DNAH11: variants seen among roughly 807,000 people sequenced by gnomAD.
DNAH11 encodes the protein axonemal beta dynein heavy chain 11.
DNAH11 carries 442 observed loss-of-function variants against 526.0 expected under a neutral mutation model. The ratio of observed to expected loss-of-function variants is 0.84; its 90% CI spans 0.78 to 0.91. The LOEUF (loss-of-function observed/expected upper bound fraction) is 0.91. DNAH11 is among the 40% of genes least tolerant of loss of function. The probability of loss-of-function intolerance (pLI) is 0.00; values close to 1 mark genes in which losing one functional copy is unlikely to be tolerated. For missense variants in DNAH11, 6,989 were observed against 5,448.7 expected, an observed-to-expected ratio of 1.28 and a Z score of -8.90; for synonymous variants, 2,461 against 1,935.9, an observed-to-expected ratio of 1.27 and a Z score of -7.12.
At chr7:21,897,071 T>C (rs1034985488) in intron 79 of DNAH11, among the ~76,000 whole-genome samples, 1 of 152,186 alleles carries the variant, frequency 6.6e-6, no homozygotes, top group Non-Finnish European at 1.5e-5. Flanking sequence ...CAAGACCCTG[T>C]CTCAAAAAAT....
chr7:21,566,339 A>G (rs1783665465), intron 6 of DNAH11, among the ~76,000 whole-genome samples: 1 of 152,114 alleles, frequency 6.6e-6, no homozygotes, highest in South Asian at 2.1e-4. Context: ...CTTTGATTCT[A>G]TGAACGGCAG....
intron 54 of DNAH11, among the ~76,000 whole-genome samples, chr7:21,762,791 T>C (rs2128497139): frequency 6.6e-6 from 1 of 152,282 alleles, no homozygotes; most frequent in South Asian, 2.1e-4. Context: ...AGGGGAAATC[T>C]TCAGAAGATT....
At position 21,619,227 on chromosome 7, in the gene DNAH11, T is replaced by A; in HGVS notation, c.4377+5T>A. Reference sequence around the variant, plus strand: ...AAAGAGCTGGGGACTGAGAAGGTAGTGTCCTCGGGACTGGGTCATTTCTAC... The same window carrying A: ...AAAGAGCTGGGGACTGAGAAGGTAGAGTCCTCGGGACTGGGTCATTTCTAC... On this transcript the variant is annotated splice_donor_5th_base_variant and intron_variant, in intron 24 of 81. Coordinates refer to ENST00000409508, the MANE Select transcript of DNAH11 (RefSeq NM_001277115.2). 1 of 1,612,192 alleles carries A rather than the reference T, an allele frequency of 6.2e-7. No individual in the cohort carries two copies. The highest frequency in any genetic ancestry group is 8.5e-7 in the Non-Finnish European group (1 of 1,179,004).
chr7:21,743,969 G>A (rs1373464420), intron 49 of DNAH11, among the ~76,000 whole-genome samples: 1 of 152,170 alleles, frequency 6.6e-6, no homozygotes, highest in Admixed American at 6.6e-5. Flanking sequence ...GAGTCACAAT[G>A]TGTTGGTGCT....
At chr7:21,727,392 G>T (rs1785172254) in intron 45 of DNAH11, among the ~76,000 whole-genome samples, 4 of 152,126 alleles carry the variant, frequency 2.6e-5, no homozygotes. Context: ...AAACTTCTTA[G>T]TTAGTACTTT....
intron 65 of DNAH11, among the ~76,000 whole-genome samples, chr7:21,826,323 C>T (rs1790297662): frequency 6.6e-6 from 1 of 152,110 alleles, no homozygotes; most frequent in Non-Finnish European, 1.5e-5. Flanking sequence ...AGTATTCATA[C>T]ATATGCAAAG....
intron 25 of DNAH11, among the ~76,000 whole-genome samples, chr7:21,628,287 T>C (rs926296384): frequency 1.3e-5 from 2 of 152,158 alleles, no homozygotes; most frequent in African/African-American, 2.4e-5. Context: ...TTTATTTCTT[T>C]CTCTTGCCTA....
chr7:21,689,442 C>A (rs975017674), intron 34 of DNAH11, among the ~76,000 whole-genome samples: 1 of 152,164 alleles, frequency 6.6e-6, no homozygotes, highest in Non-Finnish European at 1.5e-5. Context: ...TTATTAAATT[C>A]TCTGTACACA....
At chr7:21,733,082 C>G (rs1233693977) in intron 45 of DNAH11, among the ~76,000 whole-genome samples, 1 of 152,124 alleles carries the variant, frequency 6.6e-6, no homozygotes, top group Non-Finnish European at 1.5e-5. Flanking sequence ...TGGGGGCTCT[C>G]CCAGCAAAGA....
intron 63 of DNAH11, among the ~76,000 whole-genome samples, chr7:21,814,472 G>A (rs10254028): frequency 0.4 from 57,375 of 144,148 alleles, 12,408 homozygotes; most frequent in East Asian, 0.82. Context: ...CCACTAACTC[G>A]TCATCTAGCA....
At chr7:21,681,992 T>C (rs902354128) in intron 31 of DNAH11, among the ~76,000 whole-genome samples, 6 of 152,198 alleles carry the variant, frequency 3.9e-5, no homozygotes, top group Admixed American at 1.3e-4. Flanking sequence ...GTCTTGGTCA[T>C]TGGCCTGTGA....
Position 21,612,428 on chromosome 7 carries a change from G to A in DNAH11, c.3853-2686G>A, listed in dbSNP as rs535582879. ...AAATTAGCCGGGCGTGGTGGCAGGC[G>A]CCAGTAGTCCCAGCTACTCAGGGGG... On this transcript the variant is annotated intron_variant, in intron 20 of 81. Transcript: ENST00000409508. Among the ~76,000 whole-genome samples the A allele has an allele frequency of 1.9e-3, 292 of 151,900 alleles. 1 individual carries two copies. Among genetic ancestry groups the A allele is most frequent in the African/African-American group, 5.8e-3 (242 of 41,414 alleles).
chr7:21,901,268 T>C lies in DNAH11; in HGVS notation c.*14T>C, dbSNP rs1784819290. 3 of 1,603,398 alleles carry C rather than the reference T, an allele frequency of 1.9e-6. No homozygotes were observed. The highest frequency in any genetic ancestry group is 1.7e-5 in the Admixed American group (1 of 59,270). On this transcript the variant is annotated 3_prime_UTR_variant, in exon 82 of 82. Transcript: ENST00000409508. ...CTAGAAGCGTAAGGTAACACTGGCATTCCTCTAGCCTCTGCTGGAGTGCAG... is the reference window on the plus strand; with the variant it reads ...CTAGAAGCGTAAGGTAACACTGGCACTCCTCTAGCCTCTGCTGGAGTGCAG...
In DNAH11 at chr7:21,861,976, C is replaced by T; in HGVS notation, c.11326C>T (p.Leu3776=). 1 of 1,613,674 alleles carries T rather than the reference C, an allele frequency of 6.2e-7. No homozygotes were observed. The highest frequency in any genetic ancestry group is 8.5e-7 in the Non-Finnish European group (1 of 1,179,750). The change falls in exon 69 of 82, where the codon CTG becomes TTG. Residue 3776 remains leucine (L), a synonymous_variant. Coordinates refer to ENST00000409508, the MANE Select transcript of DNAH11 (RefSeq NM_001277115.2). ...TGTCTTCCTCTACACCAGCCAGGCG[C>T]TGTTTGAGAAGGACAAGCTCACCTT... ...HAVFLYTSQA[L]FEKDKLTFLS...
At chr7:21,683,744 T>C (rs1476370337) in intron 31 of DNAH11, 40 bp from the exon 32 acceptor site, 5 of 1,494,532 alleles carry the variant, frequency 3.3e-6, no homozygotes, top group Non-Finnish European at 4.5e-6. Flanking sequence ...TGCCCCAAAC[T>C]ACCAGTGTCC....
chr7:21,637,392 C>T (rs1235983491), intron 26 of DNAH11, among the ~76,000 whole-genome samples: 1 of 152,092 alleles, frequency 6.6e-6, no homozygotes. Flanking sequence ...GTGCTTATCA[C>T]ATTTATTTTT....
intron 54 of DNAH11, among the ~76,000 whole-genome samples, chr7:21,763,369 G>C (rs1476225466): frequency 1.1e-5 from 1 of 90,628 alleles, no homozygotes; most frequent in South Asian, 3.6e-4. Flanking sequence ...AAAAAAAAAA[G>C]ACTTACAAAT....
At chr7:21,859,289 T>C (rs1288797489) in intron 68 of DNAH11, among the ~76,000 whole-genome samples, 4 of 152,154 alleles carry the variant, frequency 2.6e-5, no homozygotes, top group African/African-American at 9.7e-5. Context: ...AAATTTTGTA[T>C]TTTTGGTAGA....
At chr7:21,844,316 C>T (rs1168142086) in intron 66 of DNAH11, among the ~76,000 whole-genome samples, 1 of 152,182 alleles carries the variant, frequency 6.6e-6, no homozygotes, top group Non-Finnish European at 1.5e-5. Flanking sequence ...GCCGCAGCTA[C>T]TGAGGAGGCT....
Sources: allele counts gnomAD v4.1 joint callset (sites outside exome capture counted in the v4.1 genomes callset), GRCh38; gene constraint gnomAD v4.1.1; transcripts MANE v1.5; gene names NCBI Gene and HGNC (gene_info 2026-07-23, HGNC 2026-07-21).